The following DCDC1 variants were observed in gnomAD, a reference collection of about 807,000 sequenced individuals.
The protein encoded by DCDC1 is doublecortin domain-containing protein 1.
Under a neutral mutation model 178.3 loss-of-function variants are expected in DCDC1, and 200 were observed. That is an observed-to-expected ratio of 1.12 (90% confidence interval 1.00 to 1.26). The LOEUF (loss-of-function observed/expected upper bound fraction) is 1.26, where lower values mean the gene tolerates loss of function less well. Ranked by LOEUF, DCDC1 falls within the 50% of genes most tolerant of loss-of-function variation. The pLI, the probability that DCDC1 is intolerant of heterozygous loss-of-function variation, is 0.00. For missense variants in DCDC1, 1,983 were observed against 1,749.2 expected, an observed-to-expected ratio of 1.13 and a Z score of -2.38; for synonymous variants, 690 against 604.8, an observed-to-expected ratio of 1.14 and a Z score of -2.07.
chr11:30,888,984 G>A (rs118000653), intron 36 of DCDC1, among the ~76,000 whole-genome samples: 203 of 152,276 alleles, frequency 1.3e-3, no homozygotes, highest in African/African-American at 4.3e-3. Flanking sequence ...CCCTGTGGGC[G>A]TGAGGTACTT....
intron 9 of DCDC1, among the ~76,000 whole-genome samples, chr11:31,219,144 A>G (rs943227674): frequency 2.0e-5 from 3 of 152,122 alleles, no homozygotes; most frequent in East Asian, 3.8e-4. Flanking sequence ...TACAAAGCAA[A>G]CAATTTAGAG....
At chr11:31,173,134 T>C (rs1967475776) in intron 9 of DCDC1, among the ~76,000 whole-genome samples, 1 of 152,228 alleles carries the variant, frequency 6.6e-6, no homozygotes, top group Non-Finnish European at 1.5e-5. Context: ...GAAAGTTACA[T>C]TGATATTACA....
At chr11:30,910,248 G>A (rs1174627869) in intron 28 of DCDC1, among the ~76,000 whole-genome samples, 1 of 152,222 alleles carries the variant, frequency 6.6e-6, no homozygotes, top group African/African-American at 2.4e-5. Flanking sequence ...TTATGAAATG[G>A]TAACCTTGGG....
intron 20 of DCDC1, among the ~76,000 whole-genome samples, chr11:30,961,182 A>G (rs1949073266): frequency 6.6e-6 from 1 of 152,112 alleles, no homozygotes; most frequent in South Asian, 2.1e-4. Flanking sequence ...AACTACAACT[A>G]TGAAAATTTG....
At chr11:31,067,773 G>A (rs1956332878) in intron 18 of DCDC1, among the ~76,000 whole-genome samples, 1 of 152,076 alleles carries the variant, frequency 6.6e-6, no homozygotes, top group Non-Finnish European at 1.5e-5. Flanking sequence ...TATGCTAAGT[G>A]AAAAAAATCA....
intron 9 of DCDC1, among the ~76,000 whole-genome samples, chr11:31,212,983 C>T (rs796243282): frequency 1.4e-4 from 21 of 152,062 alleles, no homozygotes; most frequent in African/African-American, 4.8e-4. Context: ...TGCCTCTGCC[C>T]TCCTAGGAGG....
At chr11:30,973,497 G>T (rs1425870524) in intron 20 of DCDC1, among the ~76,000 whole-genome samples, 1 of 152,086 alleles carries the variant, frequency 6.6e-6, no homozygotes, top group East Asian at 1.9e-4. Context: ...TAATACAGTG[G>T]CTTACAAGAA....
At chr11:31,310,728 G>A (rs1355122047) in intron 3 of DCDC1, among the ~76,000 whole-genome samples, 1 of 152,110 alleles carries the variant, frequency 6.6e-6, no homozygotes, top group Non-Finnish European at 1.5e-5. Context: ...TGTCCCACAT[G>A]GGAATTAAAC....
At chr11:31,011,693 G>A (rs545116413) in intron 20 of DCDC1, among the ~76,000 whole-genome samples, 200 of 152,250 alleles carry the variant, frequency 1.3e-3, no homozygotes, top group African/African-American at 4.7e-3. Context: ...GTATGTGTGC[G>A]CTTTATTCAT....
intron 9 of DCDC1, among the ~76,000 whole-genome samples, chr11:31,219,817 C>G: frequency 6.6e-6 from 1 of 152,120 alleles, no homozygotes; most frequent in Non-Finnish European, 1.5e-5. Flanking sequence ...GGTATTATCT[C>G]ATTTTTAAGT....
chr11:31,296,534 T>C (rs1266186243), intron 6 of DCDC1, among the ~76,000 whole-genome samples: 2 of 152,190 alleles, frequency 1.3e-5, no homozygotes, highest in African/African-American at 2.4e-5. Flanking sequence ...CATTACCTAG[T>C]TCCAAAGTTG....
Position 31,350,809 on chromosome 11 carries a change from G to A in DCDC1, c.-124-15245C>T, listed in dbSNP as rs768660291. Among the ~76,000 whole-genome samples the A allele has an allele frequency of 5.9e-5, 9 of 152,106 alleles. No individual in the cohort carries two copies. In the South Asian group the frequency reaches 6.2e-4, roughly 11 times the overall value. On this transcript the variant is annotated intron_variant, in intron 1 of 38. Coordinates refer to ENST00000684477, the MANE Select transcript of DCDC1 (RefSeq NM_001387274.1). The stretch of plus-strand genomic sequence containing the variant: ...AAAATTATATTTATGTATCACATAC[G>A]TCAGAAAATGATTTAAATAATTTAA...
chr11:31,104,164 A>G (rs1458299632), intron 13 of DCDC1, among the ~76,000 whole-genome samples: 1 of 152,058 alleles, frequency 6.6e-6, no homozygotes, highest in Non-Finnish European at 1.5e-5. Context: ...ACGAACAACT[A>G]TTTCTGTGAG....
chr11:31,174,142 C>A (rs1967651544), intron 9 of DCDC1, among the ~76,000 whole-genome samples: 1 of 151,840 alleles, frequency 6.6e-6, no homozygotes, highest in African/African-American at 2.4e-5. Context: ...GAGCCCCACC[C>A]TCCCAGGTGC....
At chr11:31,335,417 C>G (rs972757741) in intron 2 of DCDC1, 30 bp downstream of exon 2, 8 of 152,388 alleles carry the variant, frequency 5.2e-5, no homozygotes, top group African/African-American at 1.9e-4. Flanking sequence ...ACCCACTGTC[C>G]AACCAGTCCC....
At chr11:31,353,795 G>C (rs1226064611) in intron 1 of DCDC1, among the ~76,000 whole-genome samples, 1 of 152,072 alleles carries the variant, frequency 6.6e-6, no homozygotes, top group Non-Finnish European at 1.5e-5. Context: ...CACCATACTA[G>C]GTAACCCAAC....
intron 21 of DCDC1, among the ~76,000 whole-genome samples, chr11:30,949,794 G>A (rs910550655): frequency 2.0e-5 from 3 of 148,398 alleles, no homozygotes; most frequent in Non-Finnish European, 4.5e-5. Flanking sequence ...TCATAAGTGG[G>A]AGTTGAACAA....
intron 34 of DCDC1, among the ~76,000 whole-genome samples, chr11:30,897,733 C>G (rs957953492): frequency 6.6e-6 from 1 of 152,060 alleles, no homozygotes; most frequent in African/African-American, 2.4e-5. Context: ...CTCCCTGGAG[C>G]GAATGGTTGC....
At chr11:31,050,776 C>T (rs1462624621) in intron 20 of DCDC1, among the ~76,000 whole-genome samples, 1 of 152,200 alleles carries the variant, frequency 6.6e-6, no homozygotes, top group African/African-American at 2.4e-5. Context: ...GTTCAACTCA[C>T]AGGAAGCTAC....
Sources: allele counts gnomAD v4.1 joint callset (sites outside exome capture counted in the v4.1 genomes callset), GRCh38; gene constraint gnomAD v4.1.1; transcripts MANE v1.5; gene names NCBI Gene and HGNC (gene_info 2026-07-23, HGNC 2026-07-21).